CDADC1: variants seen among roughly 807,000 people sequenced by gnomAD.
CDADC1 encodes the protein cytidine and dCMP deaminase domain containing 1.
In CDADC1, 39 loss-of-function variants were observed where a neutral mutation model predicts 54.9. That is an observed-to-expected ratio of 0.71 (90% CI 0.55 to 0.93). The LOEUF is 0.93. CDADC1 is among the 40% of genes least tolerant of loss of function. CDADC1 has a pLI of 0.00. For synonymous variants in CDADC1, 186 were observed against 204.0 expected (o/e 0.91, Z 0.75); for missense variants, 518 against 618.8 (o/e 0.84, Z 1.73).
At chr13:49,287,466 GTATCTATC>G (rs55902616) in intron 9 of CDADC1, among the ~76,000 whole-genome samples, 2,318 of 146,058 alleles carry the variant, frequency 0.016, 25 homozygotes, top group African/African-American at 0.018. Context: ...AAAAAAGGCT[GTATCTATC>G]TATCTATCTA....
rs181040108 is a variant in CDADC1, at chr13:49,257,783, T to A, written c.253-1563T>A. On this transcript the variant is annotated intron_variant, in intron 3 of 9. Coordinates refer to ENST00000251108, the MANE Select transcript of CDADC1 (RefSeq NM_030911.4). ...TCAAATCAATCAATCAATCAATCAATCAGTCCAGCCTGGGCGACAGAGTGA... is the reference window on the plus strand; with the variant it reads ...TCAAATCAATCAATCAATCAATCAAACAGTCCAGCCTGGGCGACAGAGTGA... Among the ~76,000 whole-genome samples, 16 of 151,956 alleles carry A rather than the reference T, an allele frequency of 1.1e-4. No individual in the cohort carries two copies. The East Asian group carries it at 2.9e-3, about 28-fold the overall frequency.
At chr13:49,250,795 C>T (rs892350073) in intron 2 of CDADC1, among the ~76,000 whole-genome samples, 2 of 152,040 alleles carry the variant, frequency 1.3e-5, no homozygotes, top group African/African-American at 2.4e-5. Flanking sequence ...TAGTTTCCTC[C>T]CCCAATTCCT....
intron 2 of CDADC1, among the ~76,000 whole-genome samples, chr13:49,252,217 C>T (rs1472664985): frequency 2.0e-5 from 3 of 152,182 alleles, no homozygotes; most frequent in African/African-American, 7.2e-5. Flanking sequence ...CTCCCATACC[C>T]ATGTGTCCTA....
At chr13:49,268,599 G>C (rs911555431) in intron 5 of CDADC1, among the ~76,000 whole-genome samples, 1 of 151,900 alleles carries the variant, frequency 6.6e-6, no homozygotes, top group Non-Finnish European at 1.5e-5. Flanking sequence ...CAGTAGTTTG[G>C]GGCTGCAGTG....
chr13:49,292,361 A>ACTT lies in CDADC1; in HGVS notation c.*605_*607dup. 2 of 989,032 alleles carry ACTT rather than the reference A, an allele frequency of 2.0e-6. No homozygotes were observed. The highest frequency in any genetic ancestry group is 2.4e-6 in the Non-Finnish European group (2 of 831,876). The allele number at this position is 989,032 out of a possible 1,614,324, so 61.3% of individuals were successfully genotyped here. ...AATTCTGTGGTCCTGTTTATCACAG[A>ACTT]CTTTGGGTAGCAATAGGAAGAGAGT... On this transcript the variant is annotated 3_prime_UTR_variant, in exon 10 of 10. Coordinates refer to ENST00000251108, the MANE Select transcript of CDADC1 (RefSeq NM_030911.4).
At position 49,270,706 on chromosome 13, in the gene CDADC1, C is replaced by G. The variant is rs555704358; in HGVS notation, c.1000+2647C>G. Among the ~76,000 whole-genome samples, 46 of 152,274 alleles carry G rather than the reference C, an allele frequency of 3.0e-4. No homozygotes were observed. The South Asian group carries it at 9.3e-3, about 31-fold the overall frequency. ...TTGGCCGCAAAATAAGTGCATCAAACTTCAAAAAAACTGGATGTAAAAGAT... is the reference window on the plus strand; with the variant it reads ...TTGGCCGCAAAATAAGTGCATCAAAGTTCAAAAAAACTGGATGTAAAAGAT... On this transcript the variant is annotated intron_variant, in intron 5 of 9. Transcript: ENST00000251108.
At chr13:49,271,102 C>A (rs1228519785) in intron 5 of CDADC1, among the ~76,000 whole-genome samples, 1 of 152,108 alleles carries the variant, frequency 6.6e-6, no homozygotes, top group Non-Finnish European at 1.5e-5. Context: ...TAAAGAGGAT[C>A]CATAGAGATG....
chr13:49,264,766 T>A (rs1349319704), intron 4 of CDADC1, among the ~76,000 whole-genome samples: 1 of 152,044 alleles, frequency 6.6e-6, no homozygotes, highest in East Asian at 1.9e-4. Context: ...ATTCCATGTA[T>A]GCTAATATGA....
intron 5 of CDADC1, 59 bp downstream of exon 5, chr13:49,268,118 T>C (rs1566363980): frequency 5.4e-6 from 7 of 1,307,436 alleles, no homozygotes; most frequent in Non-Finnish European, 6.4e-6. Flanking sequence ...GTCTCTGAAG[T>C]GTTCGTCTCA....
intron 2 of CDADC1, among the ~76,000 whole-genome samples, chr13:49,253,682 T>C (rs748856543): frequency 1.3e-4 from 20 of 152,238 alleles, no homozygotes; most frequent in Non-Finnish European, 2.4e-4. Flanking sequence ...TTTGTTGTTG[T>C]TGTTGTTGTC....
chr13:49,248,088 G>C lies in CDADC1; in HGVS notation c.51G>C (p.Arg17=), dbSNP rs765316891. 1.3e-6 allele frequency: 2 copies of C among 1,553,434 alleles called. No homozygotes were observed. The highest frequency in any genetic ancestry group is 1.7e-6 in the Non-Finnish European group (2 of 1,148,116). ...MQNLESARAG[R]SVSTQTGSMT... is the part of the protein sequence containing the mutation. ...ATCTGGAGAGCGCGAGGGCCGGGCGGTCAGTCAGCACCCAGACTGGCAGCA... is the reference window on the plus strand; with the variant it reads ...ATCTGGAGAGCGCGAGGGCCGGGCGCTCAGTCAGCACCCAGACTGGCAGCA... Residue 17 remains arginine (R), a synonymous_variant, in exon 1 of 10, where the codon CGG becomes CGC. Transcript: ENST00000251108.
chr13:49,285,194 T>C (rs561837025), intron 8 of CDADC1, among the ~76,000 whole-genome samples: 2 of 134,684 alleles, frequency 1.5e-5, no homozygotes, highest in East Asian at 4.7e-4. Context: ...TTTTTTTTTT[T>C]GTGAGACAGA....
chr13:49,292,927 AC>A lies in CDADC1; in HGVS notation c.*1172del. The A allele has an allele frequency of 2.1e-6, 1 of 484,540 alleles. No individual in the cohort carries two copies. The highest frequency in any genetic ancestry group is 3.3e-6 in the Non-Finnish European group (1 of 298,824). 30.0% of individuals were successfully genotyped at this position (484,540 alleles called of 1,614,324 possible). ...CCAGTTTCTCAGAATTACACGCACG[AC>A]CATCCAAACATTGGCTCCATGCCAG... On this transcript the variant is annotated 3_prime_UTR_variant, in exon 10 of 10. Transcript: ENST00000251108.
At chr13:49,282,255 T>TTTTTG (rs59429264) in intron 8 of CDADC1, among the ~76,000 whole-genome samples, 1 of 118,544 alleles carries the variant, frequency 8.4e-6, no homozygotes, top group African/African-American at 3.1e-5. Flanking sequence ...TTTTTTTTTT[T>TTTTTG]GCTTTTGTTT....
chr13:49,250,705 T>C (rs1041612387), intron 2 of CDADC1, among the ~76,000 whole-genome samples: 2 of 152,344 alleles, frequency 1.3e-5, no homozygotes, highest in Middle Eastern at 3.4e-3. Flanking sequence ...TTTTATCTTA[T>C]CAATATAGGA....
intron 6 of CDADC1, among the ~76,000 whole-genome samples, chr13:49,275,795 A>T (rs7333408): frequency 0.25 from 26,357 of 103,856 alleles, 3,464 homozygotes; most frequent in East Asian, 0.48. Context: ...AGAGAGAGAG[A>T]GTCTCACTCT....
At chr13:49,280,378 T>C (rs1422356130) in intron 7 of CDADC1, 131 bp from the exon 8 acceptor site, 1 of 428,740 alleles carries the variant, frequency 2.3e-6, no homozygotes, top group East Asian at 3.5e-5. Context: ...GTCTAAGGCT[T>C]GATGATCATT....
At chr13:49,274,401 CTTCGGTGCATTACAGGT>C in intron 6 of CDADC1, 61 bp downstream of exon 6, 1 of 1,354,854 alleles carries the variant, frequency 7.4e-7, no homozygotes, top group Non-Finnish European at 1.1e-6. Context: ...ATAGTTCAGT[CTTCGGTGCATTACAGGT>C]TACTGACTGC....
chr13:49,287,500 ATCTATCTATCG>A, intron 9 of CDADC1, among the ~76,000 whole-genome samples: 1 of 112,802 alleles, frequency 8.9e-6, no homozygotes, highest in Non-Finnish European at 2.1e-5. Flanking sequence ...CTATCTATCT[ATCTATCTATCG>A]GTCTGTCTCT....
Sources: gnomAD v4.1 joint callset for allele counts (sites outside exome capture counted in the v4.1 genomes callset) on GRCh38, gnomAD v4.1.1 for gene constraint, MANE v1.5 for transcripts, NCBI Gene and HGNC (gene_info 2026-07-23, HGNC 2026-07-21) for gene names.